The following RPRD1A variants were observed in gnomAD, a reference collection of about 807,000 sequenced individuals.
RPRD1A encodes regulation of nuclear pre-mRNA domain containing 1A.
In RPRD1A, 9 loss-of-function variants were observed where a neutral mutation model predicts 37.8. The ratio of observed to expected loss-of-function variants is 0.24; its 90% CI spans 0.14 to 0.42. The LOEUF (loss-of-function observed/expected upper bound fraction) is 0.42. Ranked by LOEUF, RPRD1A falls within the 10% of genes least tolerant of loss-of-function variation. The probability of loss-of-function intolerance (pLI) is 1.00; values close to 1 mark genes in which losing one functional copy is unlikely to be tolerated. For missense variants in RPRD1A, 255 were observed against 371.0 expected (o/e 0.69, Z 2.57); for synonymous variants, 138 against 139.7 (o/e 0.99, Z 0.08).
At chr18:36,039,568 A>G (rs1028675690) in intron 1 of RPRD1A, among the ~76,000 whole-genome samples, 1 of 152,262 alleles carries the variant, frequency 6.6e-6, no homozygotes, top group Non-Finnish European at 1.5e-5. Context: ...TAATCAGTTC[A>G]TAGTTTTAGT....
At chr18:35,995,251 GCTT>G (rs997756640) in intron 6 of RPRD1A, among the ~76,000 whole-genome samples, 3 of 141,250 alleles carry the variant, frequency 2.1e-5, no homozygotes, top group African/African-American at 5.2e-5. Flanking sequence ...CAATTTTTTT[GCTT>G]TTTTTCGTTT....
chr18:36,008,575 G>A (rs5003513), intron 6 of RPRD1A, among the ~76,000 whole-genome samples: 15,378 of 40,160 alleles, frequency 0.38, 2,059 homozygotes, highest in East Asian at 0.52. Flanking sequence ...GACCTTGTGT[G>A]TGTATATATA....
intron 6 of RPRD1A, among the ~76,000 whole-genome samples, chr18:35,999,537 G>A (rs1206205584): frequency 6.6e-6 from 1 of 152,060 alleles, no homozygotes; most frequent in African/African-American, 2.4e-5. Flanking sequence ...TAAAATTCTA[G>A]TTGCTTTAAA....
chr18:36,039,629 T>C (rs1198799183), intron 1 of RPRD1A, among the ~76,000 whole-genome samples: 3 of 152,246 alleles, frequency 2.0e-5, no homozygotes, highest in Non-Finnish European at 4.4e-5. Context: ...TTTTCTTACA[T>C]TGTACATACC....
intron 6 of RPRD1A, among the ~76,000 whole-genome samples, chr18:36,004,380 G>A (rs1431395655): frequency 1.4e-4 from 21 of 151,608 alleles, no homozygotes; most frequent in Non-Finnish European, 2.5e-4. Flanking sequence ...TCTGCCTCCC[G>A]AGTAGCTAGG....
intron 6 of RPRD1A, among the ~76,000 whole-genome samples, chr18:36,022,942 A>G (rs1911106265): frequency 6.6e-6 from 1 of 152,224 alleles, no homozygotes; most frequent in Middle Eastern, 3.2e-3. Flanking sequence ...CCTGGGTGAC[A>G]GAACAAGAGA....
At chr18:36,042,879 G>A (rs1912682221) in intron 1 of RPRD1A, among the ~76,000 whole-genome samples, 2 of 152,024 alleles carry the variant, frequency 1.3e-5, no homozygotes, top group Non-Finnish European at 2.9e-5. Flanking sequence ...AAACGACTTG[G>A]CAATATCTAT....
intron 4 of RPRD1A, 130 bp from the exon 5 acceptor site, chr18:36,027,440 A>C: frequency 1.1e-6 from 1 of 910,368 alleles, no homozygotes; most frequent in Non-Finnish European, 1.7e-6. Flanking sequence ...CTGCTTTTGA[A>C]GACAATCAAT....
chr18:36,029,905 A>G (rs890672469), intron 4 of RPRD1A, among the ~76,000 whole-genome samples: 1 of 151,532 alleles, frequency 6.6e-6, no homozygotes, highest in Middle Eastern at 3.2e-3. Context: ...TCCCAGGTTC[A>G]CGCCATTCTC....
intron 6 of RPRD1A, among the ~76,000 whole-genome samples, chr18:36,015,133 C>CACACAA (rs1555671470): frequency 8.6e-6 from 1 of 115,928 alleles, no homozygotes; most frequent in East Asian, 2.9e-4. Context: ...GTCTCACATA[C>CACACAA]ACACACACAC....
At chr18:36,004,086 C>T (rs1401937008) in intron 6 of RPRD1A, among the ~76,000 whole-genome samples, 1 of 149,920 alleles carries the variant, frequency 6.7e-6, no homozygotes, top group Non-Finnish European at 1.5e-5. Context: ...TCAAGTGATC[C>T]ACCCAAAGTG....
At chr18:36,003,249 T>G (rs890112511) in intron 6 of RPRD1A, among the ~76,000 whole-genome samples, 14 of 152,336 alleles carry the variant, frequency 9.2e-5, no homozygotes, top group Middle Eastern at 3.4e-3. Flanking sequence ...CAGCATCTGA[T>G]GAAACAGAAC....
chr18:36,040,350 G>GT (rs1002781429), intron 1 of RPRD1A, among the ~76,000 whole-genome samples: 3 of 152,198 alleles, frequency 2.0e-5, no homozygotes, highest in African/African-American at 7.2e-5. Context: ...AGCCATATGT[G>GT]TAAATGTGTT....
intron 1 of RPRD1A, among the ~76,000 whole-genome samples, chr18:36,062,563 A>C (rs72884953): frequency 0.021 from 3,152 of 152,260 alleles, 109 homozygotes; most frequent in Admixed American, 0.084. Flanking sequence ...GAATGGCTAA[A>C]TTCATACAAT....
At chr18:36,030,155 G>A (rs1368416443) in intron 4 of RPRD1A, among the ~76,000 whole-genome samples, 1 of 151,608 alleles carries the variant, frequency 6.6e-6, no homozygotes, top group Non-Finnish European at 1.5e-5. Flanking sequence ...TAAAGGGGCA[G>A]TGATTATGTC....
At chr18:36,055,053 C>G (rs1913665715) in intron 1 of RPRD1A, among the ~76,000 whole-genome samples, 1 of 152,128 alleles carries the variant, frequency 6.6e-6, no homozygotes, top group Non-Finnish European at 1.5e-5. Flanking sequence ...CACACATATC[C>G]AGAAATGGCT....
chr18:36,008,573 G>GTATATATATATATATA lies in RPRD1A; in HGVS notation c.790-15274_790-15273insTATATATATATATATA, dbSNP rs1339247337. On this transcript the variant is annotated intron_variant, in intron 6 of 6. Transcript: ENST00000399022. ...CCTGGGCGACACAGCAAGACCTTGT[G>GTATATATATATATATA]TGTGTATATATATATATCTTTAAAA... Among the ~76,000 whole-genome samples the GTATATATATATATATA allele has an allele frequency of 6.2e-3, 226 of 36,606 alleles. 14 individuals are homozygous for GTATATATATATATATA. The highest frequency in any genetic ancestry group is 0.026 in the African/African-American group (214 of 8,080). The allele number at this position is 36,606 out of a possible 152,430, so 24.0% of individuals were successfully genotyped here.
intron 1 of RPRD1A, among the ~76,000 whole-genome samples, chr18:36,034,197 C>T (rs1056610958): frequency 1.3e-5 from 2 of 151,962 alleles, no homozygotes; most frequent in African/African-American, 4.8e-5. Flanking sequence ...CATGTTAATT[C>T]GAAATCATTA....
At chr18:36,018,016 T>C (rs945297412) in intron 6 of RPRD1A, among the ~76,000 whole-genome samples, 1 of 152,226 alleles carries the variant, frequency 6.6e-6, no homozygotes, top group African/African-American at 2.4e-5. Flanking sequence ...ATTTTACAAT[T>C]TCAAGACGAT....
Sources: allele counts gnomAD v4.1 joint callset (sites outside exome capture counted in the v4.1 genomes callset), GRCh38; gene constraint gnomAD v4.1.1; transcripts MANE v1.5; gene names NCBI Gene and HGNC (gene_info 2026-07-23, HGNC 2026-07-21).